PARD3: variants seen among roughly 807,000 people sequenced by gnomAD.
The protein encoded by PARD3 is partitioning defective 3 homolog.
A neutral mutation model predicts 155.4 loss-of-function variants in PARD3; 75 were observed. The ratio of observed to expected loss-of-function variants is 0.48; its 90% CI spans 0.40 to 0.58. PARD3 has a LOEUF of 0.58. PARD3 is among the 20% of genes least tolerant of loss of function. The pLI is 0.00. For missense variants in PARD3, 1,642 were observed against 1,721.7 expected (o/e 0.95, Z 0.82); for synonymous variants, 576 against 610.5 (o/e 0.94, Z 0.83).
intron 22 of PARD3, among the ~76,000 whole-genome samples, chr10:34,170,814 A>T (rs1306945263): frequency 6.6e-6 from 1 of 152,250 alleles, no homozygotes; most frequent in Non-Finnish European, 1.5e-5. Context: ...TTTGCCTTCT[A>T]CTGCCAAGGT....
chr10:34,385,382 C>T (rs1467897287), intron 7 of PARD3, among the ~76,000 whole-genome samples: 9 of 152,038 alleles, frequency 5.9e-5, no homozygotes, highest in Non-Finnish European at 1.2e-4. Context: ...GTAATCCACC[C>T]GCCTCAGCCT....
chr10:34,642,203 C>T (rs867852059), intron 2 of PARD3, among the ~76,000 whole-genome samples: 3 of 152,110 alleles, frequency 2.0e-5, no homozygotes, highest in Admixed American at 2.0e-4. Flanking sequence ...GAGCCTCCTG[C>T]CCTGCCTCGC....
At chr10:34,154,316 G>A (rs555953401) in intron 22 of PARD3, among the ~76,000 whole-genome samples, 4 of 152,254 alleles carry the variant, frequency 2.6e-5, no homozygotes, top group Admixed American at 2.0e-4. Flanking sequence ...CTAATAATAC[G>A]TGTTGGGCAA....
At chr10:34,323,903 T>C (rs543240658) in intron 19 of PARD3, among the ~76,000 whole-genome samples, 79 of 152,332 alleles carry the variant, frequency 5.2e-4, no homozygotes, top group African/African-American at 1.9e-3. Context: ...TTTCTGTCCA[T>C]GGGGACAATT....
chr10:34,173,088 G>A (rs893825603), intron 22 of PARD3, among the ~76,000 whole-genome samples: 12 of 152,124 alleles, frequency 7.9e-5, no homozygotes, highest in Non-Finnish European at 7.3e-5. Flanking sequence ...GTCAGGAATC[G>A]TCTAGCCCTA....
At chr10:34,349,846 T>A (rs1201907953) in intron 14 of PARD3, among the ~76,000 whole-genome samples, 7 of 152,176 alleles carry the variant, frequency 4.6e-5, no homozygotes, top group Non-Finnish European at 1.0e-4. Flanking sequence ...TTTATAAAAC[T>A]TCTTCTTGAG....
intron 20 of PARD3, among the ~76,000 whole-genome samples, chr10:34,296,986 C>T (rs1253310129): frequency 2.6e-5 from 4 of 152,122 alleles, no homozygotes; most frequent in Non-Finnish European, 5.9e-5. Context: ...ACTAAAAAGA[C>T]ACCTAGGTCA....
At chr10:34,346,264 G>T (rs560371075) in intron 15 of PARD3, 2 of 1,158,840 alleles carry the variant, frequency 1.7e-6, no homozygotes, top group East Asian at 1.3e-4. Context: ...GGAAGAAAAT[G>T]AATGACTCTT....
At chr10:34,318,275 C>T (rs1189159532) in intron 19 of PARD3, among the ~76,000 whole-genome samples, 1 of 152,222 alleles carries the variant, frequency 6.6e-6, no homozygotes, top group Non-Finnish European at 1.5e-5. Flanking sequence ...TGAACATCCA[C>T]TCTCAGAAAT....
chr10:34,277,775 G>A (rs1955958396), intron 21 of PARD3, among the ~76,000 whole-genome samples: 1 of 152,068 alleles, frequency 6.6e-6, no homozygotes, highest in Non-Finnish European at 1.5e-5. Flanking sequence ...GCATTAACAG[G>A]GAGACTGCTA....
At chr10:34,561,840 T>A (rs1240206409) in intron 2 of PARD3, among the ~76,000 whole-genome samples, 1 of 150,882 alleles carries the variant, frequency 6.6e-6, no homozygotes, top group Non-Finnish European at 1.5e-5. Flanking sequence ...TTTAAAACTA[T>A]CAACTCTCAG....
chr10:34,502,825 C>T (rs1378785058), intron 3 of PARD3, among the ~76,000 whole-genome samples: 1 of 152,106 alleles, frequency 6.6e-6, no homozygotes, highest in Non-Finnish European at 1.5e-5. Flanking sequence ...AAGAGAAGGA[C>T]AGATCTTAGA....
chr10:34,753,638 G>A (rs1414577131), intron 1 of PARD3, among the ~76,000 whole-genome samples: 1 of 152,158 alleles, frequency 6.6e-6, no homozygotes, highest in Non-Finnish European at 1.5e-5. Flanking sequence ...CCTCCCAGTA[G>A]CCCATCCCTG....
intron 2 of PARD3, among the ~76,000 whole-genome samples, chr10:34,668,249 G>A (rs1384655644): frequency 6.6e-6 from 1 of 152,182 alleles, no homozygotes; most frequent in African/African-American, 2.4e-5. Context: ...AAAAAGCTCA[G>A]TAAATTTCTT....
In PARD3 at chr10:34,470,107, C is replaced by G; in HGVS notation, c.560G>C (p.Ser187Thr). 1 of 1,609,846 alleles carries G rather than the reference C, an allele frequency of 6.2e-7. No individual in the cohort carries two copies. Among genetic ancestry groups the G allele is most frequent in the Non-Finnish European group, 8.5e-7 (1 of 1,178,040 alleles). The change falls in exon 4 of 25, where the codon AGT (serine) becomes ACT (threonine). Residue 187 changes from serine to threonine, a missense_variant. Physicochemically the swap from Ser to Thr is moderately conservative, Grantham distance 58 (BLOSUM62 1). Around this residue, in one of 3 missense-constraint regions of PARD3, gnomAD observed 1,529 missense variants for 1,587.3 expected, o/e 0.96. Coordinates refer to ENST00000374788, the MANE Select transcript of PARD3 (RefSeq NM_001184785.2). The part of the protein sequence containing the change: ...AGFLKQNTAG[S>T]PKTCDRKKDE... ...TACCTTCCTGTCGCAGGTTTTAGGA[C>G]TCCCAGCAGTGTTCTGCTTGAGGAA...
intron 22 of PARD3, among the ~76,000 whole-genome samples, chr10:34,147,259 TG>T (rs1204629471): frequency 6.6e-6 from 1 of 152,186 alleles, no homozygotes; most frequent in Non-Finnish European, 1.5e-5. Context: ...TTTCTAAAAG[TG>T]TAATTTGGAA....
rs984598957 is a variant in PARD3 at position 34,451,715 on chromosome 10, A to C, written c.583-1267T>G. Among the ~76,000 whole-genome samples, 8 of 152,216 alleles carry C rather than the reference A, an allele frequency of 5.3e-5. No homozygotes were observed. In the East Asian group the frequency reaches 7.7e-4, roughly 15 times the overall value. ...TGAAACTTCATAAACTTTAAGAATT[A>C]ACCTGCAAGAAACAAAATCTTTAAA... is the stretch of plus-strand genomic sequence containing the variant. On this transcript the variant is annotated intron_variant, in intron 4 of 24. Coordinates refer to ENST00000374788, the MANE Select transcript of PARD3 (RefSeq NM_001184785.2).
At chr10:34,584,191 T>C (rs1387298290) in intron 2 of PARD3, among the ~76,000 whole-genome samples, 2 of 152,296 alleles carry the variant, frequency 1.3e-5, no homozygotes, top group South Asian at 2.1e-4. Flanking sequence ...CAACCCACCA[T>C]TATTGCTTTA....
intron 10 of PARD3, among the ~76,000 whole-genome samples, chr10:34,375,989 C>A (rs1304597651): frequency 6.6e-6 from 1 of 151,888 alleles, no homozygotes; most frequent in Non-Finnish European, 1.5e-5. Flanking sequence ...TCAATTTATA[C>A]CCCAAGGACA....
Sources: gnomAD v4.1 joint callset for allele counts (sites outside exome capture counted in the v4.1 genomes callset) on GRCh38, gnomAD v4.1.1 for gene constraint, gnomAD v4.1.1 regional missense constraint, MANE v1.5 for transcripts, NCBI Gene and HGNC (gene_info 2026-07-23, HGNC 2026-07-21) for gene names.